PLXNA4: variants seen among roughly 807,000 people sequenced by gnomAD.
PLXNA4 encodes plexin-A4.
In PLXNA4, 44 loss-of-function variants were observed where a neutral mutation model predicts 191.8. The ratio of observed to expected loss-of-function variants is 0.23; its 90% CI spans 0.18 to 0.29. The LOEUF (loss-of-function observed/expected upper bound fraction) is 0.29, where lower values mean the gene tolerates loss of function less well. Among genes scored for constraint, PLXNA4 ranks in the 10% least tolerant of loss-of-function variants. PLXNA4 has a pLI of 1.00. For synonymous variants in PLXNA4, 1,082 were observed against 1,009.5 expected, an observed-to-expected ratio of 1.07 and a Z score of -1.36; for missense variants, 1,800 against 2,488.8, an observed-to-expected ratio of 0.72 and a Z score of 5.89.
Position 132,352,775 on chromosome 7 carries a change from T to C in PLXNA4, c.1372-54553A>G, listed in dbSNP as rs1323829280. ...TTGCTTTGAGAATTAATTGAGATAA[T>C]ACAGCTAAAGTGGTGAGTAGGAGGC... On this transcript the variant is annotated intron_variant, in intron 3 of 31. Coordinates refer to ENST00000321063, the MANE Select transcript of PLXNA4 (RefSeq NM_020911.2). Among the ~76,000 whole-genome samples the C allele has an allele frequency of 5.3e-5, 8 of 152,174 alleles. No individual in the cohort carries two copies. The East Asian group carries it at 1.3e-3, about 26-fold the overall frequency.
At chr7:132,251,769 G>C (rs141916193) in intron 4 of PLXNA4, among the ~76,000 whole-genome samples, 2 of 152,226 alleles carry the variant, frequency 1.3e-5, no homozygotes, top group Non-Finnish European at 2.9e-5. Context: ...CCTATGGGGG[G>C]CAGAAGTGTT....
At chr7:132,503,814 AC>A (rs1166557557) in intron 2 of PLXNA4, among the ~76,000 whole-genome samples, 3 of 151,728 alleles carry the variant, frequency 2.0e-5, no homozygotes, top group Non-Finnish European at 2.9e-5. Flanking sequence ...ACCCTCTAGG[AC>A]CCCCCCTCAT....
At chr7:132,327,035 AAAG>A (rs1256858006) in intron 3 of PLXNA4, among the ~76,000 whole-genome samples, 2 of 149,366 alleles carry the variant, frequency 1.3e-5, no homozygotes, top group Non-Finnish European at 3.0e-5. Flanking sequence ...GGAAGGAAGA[AAAG>A]AGGGAGGGAG....
chr7:132,285,309 A>AC (rs879174872), intron 4 of PLXNA4, among the ~76,000 whole-genome samples: 20 of 152,220 alleles, frequency 1.3e-4, no homozygotes, highest in Admixed American at 5.9e-4. Context: ...GCCCTGAACC[A>AC]CCTTCAAGCC....
At chr7:132,594,146 G>A (rs184515194) in intron 2 of PLXNA4, among the ~76,000 whole-genome samples, 282 of 152,344 alleles carry the variant, frequency 1.9e-3, no homozygotes, top group Middle Eastern at 6.8e-3. Flanking sequence ...TGGGAATTAG[G>A]GACATTGTAG....
intron 1 of PLXNA4, among the ~76,000 whole-genome samples, chr7:132,539,896 A>T (rs773307126): frequency 3.9e-5 from 6 of 152,210 alleles, no homozygotes; most frequent in Non-Finnish European, 7.3e-5. Context: ...AAGATATCTT[A>T]ATAGCCATTC....
chr7:132,203,374 T>A lies in PLXNA4; in HGVS notation c.2344A>T (p.Thr782Ser). The A allele has an allele frequency of 6.2e-7, 1 of 1,614,090 alleles. No individual in the cohort carries two copies. Among genetic ancestry groups the A allele is most frequent in the Non-Finnish European group, 8.5e-7 (1 of 1,180,010 alleles). ...MEINNLPVEL[T>S]VVWNGHFNID... ...TTGAAGTGCCCATTCCACACGACTGTCAACTCCACGGGCAGGTTGTTGATC... is the reference window on the plus strand; with the variant it reads ...TTGAAGTGCCCATTCCACACGACTGACAACTCCACGGGCAGGTTGTTGATC... The change falls in exon 11 of 32, where the codon ACA becomes TCA. Residue 782 changes from threonine (T) to serine (S), a missense_variant. This residue lies in a region of PLXNA4 where 1,397 missense variants were observed against 1,880.4 expected (regional missense o/e 0.74). Transcript: ENST00000321063.
intron 2 of PLXNA4, among the ~76,000 whole-genome samples, chr7:132,492,506 G>A (rs758584301): frequency 1.6e-4 from 24 of 152,260 alleles, no homozygotes; most frequent in Non-Finnish European, 2.8e-4. Flanking sequence ...AAGTTTCCCC[G>A]TGGCTTGGCT....
chr7:132,189,748 G>C (rs1797030082), intron 14 of PLXNA4, among the ~76,000 whole-genome samples: 1 of 152,074 alleles, frequency 6.6e-6, no homozygotes, highest in Non-Finnish European at 1.5e-5. Context: ...GATAGATGGG[G>C]GTTCTGTCCC....
intron 4 of PLXNA4, among the ~76,000 whole-genome samples, chr7:132,255,787 C>G (rs534029169): frequency 6.6e-6 from 1 of 152,330 alleles, no homozygotes; most frequent in Non-Finnish European, 1.5e-5. Flanking sequence ...GTCTCTTTCT[C>G]TCCTCTCTTC....
chr7:132,309,709 A>C (rs1230704157), intron 3 of PLXNA4, among the ~76,000 whole-genome samples: 1 of 152,170 alleles, frequency 6.6e-6, no homozygotes, highest in Non-Finnish European at 1.5e-5. Flanking sequence ...CACCAGAACC[A>C]GGAGAAAACT....
At chr7:132,199,078 T>A (rs1240960465) in intron 12 of PLXNA4, among the ~76,000 whole-genome samples, 3 of 152,312 alleles carry the variant, frequency 2.0e-5, no homozygotes, top group African/African-American at 4.8e-5. Flanking sequence ...CACTGCCCCA[T>A]AACCCTGTGT....
chr7:132,549,392 G>C (rs1172413631), intron 1 of PLXNA4, among the ~76,000 whole-genome samples: 2 of 152,062 alleles, frequency 1.3e-5, no homozygotes, highest in Non-Finnish European at 2.9e-5. Flanking sequence ...ACACCCTTGA[G>C]GTGTCTTGGT....
At chr7:132,475,512 CCCACTGCTTCCTTCTG>C (rs1374455045) in intron 3 of PLXNA4, among the ~76,000 whole-genome samples, 1 of 152,156 alleles carries the variant, frequency 6.6e-6, no homozygotes, top group Non-Finnish European at 1.5e-5. Flanking sequence ...ATCCCCCAAT[CCCACTGCTTCCTTCTG>C]CCCCTGCCCC....
intron 4 of PLXNA4, among the ~76,000 whole-genome samples, chr7:132,247,937 C>A (rs10488378): frequency 0.035 from 5,313 of 152,222 alleles, 313 homozygotes; most frequent in African/African-American, 0.12. Flanking sequence ...CAGGCTGTGG[C>A]AGATTGTATT....
intron 4 of PLXNA4, among the ~76,000 whole-genome samples, chr7:132,265,115 G>A (rs1230025318): frequency 1.3e-5 from 2 of 152,194 alleles, no homozygotes; most frequent in Non-Finnish European, 2.9e-5. Context: ...GGAATAGTGA[G>A]CGGGAAGAGC....
chr7:132,639,605 G>C (rs992008854), intron 2 of PLXNA4, among the ~76,000 whole-genome samples: 2 of 152,172 alleles, frequency 1.3e-5, no homozygotes, highest in African/African-American at 4.8e-5. Context: ...TCTGCGTTGA[G>C]TCAACACTGC....
At chr7:132,342,195 G>T (rs531379457) in intron 3 of PLXNA4, among the ~76,000 whole-genome samples, 1 of 149,544 alleles carries the variant, frequency 6.7e-6, no homozygotes, top group Admixed American at 6.7e-5. Context: ...GGGAATTTAT[G>T]ATTATAAATA....
intron 3 of PLXNA4, among the ~76,000 whole-genome samples, chr7:132,460,014 G>A (rs938138314): frequency 8.4e-5 from 12 of 143,506 alleles, no homozygotes; most frequent in Non-Finnish European, 1.4e-4. Flanking sequence ...GATGGCAACC[G>A]ATAGCAAGAA....
Sources: allele counts gnomAD v4.1 joint callset (sites outside exome capture counted in the v4.1 genomes callset), GRCh38; gene constraint gnomAD v4.1.1; regional missense constraint gnomAD v4.1.1; transcripts MANE v1.5; gene names NCBI Gene and HGNC (gene_info 2026-07-23, HGNC 2026-07-21).